The following DCAF12 variants were observed in gnomAD, a reference collection of about 807,000 sequenced individuals.
DCAF12 encodes DDB1- and CUL4-associated factor 12.
DCAF12 carries 28 observed loss-of-function variants against 52.8 expected under a neutral mutation model. The ratio of observed to expected loss-of-function variants is 0.53; its 90% confidence interval spans 0.39 to 0.73. DCAF12 has a LOEUF of 0.73. Among genes scored for constraint, DCAF12 ranks in the 30% least tolerant of loss-of-function variants. The pLI, the probability that DCAF12 is intolerant of heterozygous loss-of-function variation, is 0.00. For synonymous variants in DCAF12, 196 were observed against 215.5 expected, an observed-to-expected ratio of 0.91 and a Z score of 0.79; for missense variants, 425 against 552.2, an observed-to-expected ratio of 0.77 and a Z score of 2.31.
chr9:34,104,731 C>A (rs1358055341), intron 4 of DCAF12, among the ~76,000 whole-genome samples: 1 of 151,332 alleles, frequency 6.6e-6, no homozygotes, highest in African/African-American at 2.4e-5. Flanking sequence ...GCCTGGCCAA[C>A]ATGGCAAAAC....
chr9:34,110,491 A>G (rs925759580), intron 2 of DCAF12, among the ~76,000 whole-genome samples: 1 of 152,198 alleles, frequency 6.6e-6, no homozygotes, highest in African/African-American at 2.4e-5. Flanking sequence ...TTCTATTATA[A>G]GCAGAGTCAA....
chr9:34,089,516 T>C lies in DCAF12; in HGVS notation c.1099A>G (p.Ile367Val), dbSNP rs139198427. The stretch of plus-strand genomic sequence containing the variant: ...TCTTCCAGAAATCTCTGAGCTCGGA[T>C]GTCATAGAACAGCAGGGAGCCCTGC... Reference protein sequence around the residue: ...TGQGSLLFYDIRAQRFLEERL... With the variant: ...TGQGSLLFYDVRAQRFLEERL... The change falls in exon 8 of 9, where the codon ATC (isoleucine) becomes GTC (valine). Residue 367 changes from isoleucine to valine, a missense_variant. Physicochemically the swap from Ile to Val is conservative, Grantham distance 29. Coordinates refer to ENST00000361264, the MANE Select transcript of DCAF12 (RefSeq NM_015397.4). 9 of 1,614,152 alleles carry C rather than the reference T, an allele frequency of 5.6e-6. No individual in the cohort carries two copies. The highest frequency in any genetic ancestry group is 1.6e-4 in the Middle Eastern group (1 of 6,062).
intron 3 of DCAF12, among the ~76,000 whole-genome samples, chr9:34,107,157 G>T (rs1449011665): frequency 2.0e-5 from 3 of 152,164 alleles, no homozygotes; most frequent in African/African-American, 7.2e-5. Flanking sequence ...GCAGTGGGAA[G>T]TATGTGGACA....
intron 2 of DCAF12, among the ~76,000 whole-genome samples, chr9:34,111,823 G>A (rs1339828115): frequency 6.6e-6 from 1 of 152,076 alleles, no homozygotes; most frequent in African/African-American, 2.4e-5. Flanking sequence ...CCAGTCCTTG[G>A]AGAAAAGAAA....
At chr9:34,094,078 C>G (rs890404083) in intron 6 of DCAF12, among the ~76,000 whole-genome samples, 8 of 152,106 alleles carry the variant, frequency 5.3e-5, no homozygotes, top group African/African-American at 1.9e-4. Flanking sequence ...TTCCTGGAAC[C>G]CTGCTTCCTC....
chr9:34,126,298 A>G, intron 1 of DCAF12, 56 bp downstream of exon 1: 1 of 1,596,610 alleles, frequency 6.3e-7, no homozygotes, highest in Non-Finnish European at 8.5e-7. Flanking sequence ...TGCGGACCCT[A>G]AGCCCATCTT....
chr9:34,094,773 G>A lies in DCAF12; in HGVS notation c.862-1325C>T, dbSNP rs562653287. ...TCTCAATCTCCTGACCTTGCGATCC[G>A]CCCACCTTGGCCTCCCAAAGTGCTG... On this transcript the variant is annotated intron_variant, in intron 6 of 8. Coordinates refer to ENST00000361264, the MANE Select transcript of DCAF12 (RefSeq NM_015397.4). 1.6e-4 allele frequency among the ~76,000 whole-genome samples: 25 copies of A among 151,938 alleles called. No homozygotes were observed. The South Asian group carries it at 3.9e-3, about 24-fold the overall frequency.
chr9:34,105,397 G>A (rs1564098011), intron 4 of DCAF12, among the ~76,000 whole-genome samples: 2 of 152,174 alleles, frequency 1.3e-5, no homozygotes, highest in Non-Finnish European at 2.9e-5. Flanking sequence ...CTGCACTCCA[G>A]CCTGGGTGAC....
At chr9:34,110,860 AC>A (rs1828991711) in intron 2 of DCAF12, among the ~76,000 whole-genome samples, 1 of 152,148 alleles carries the variant, frequency 6.6e-6, no homozygotes, top group African/African-American at 2.4e-5. Flanking sequence ...CTTGCCATGG[AC>A]TTCAAACTCT....
intron 6 of DCAF12, chr9:34,093,699 A>C (rs1428368708): frequency 2.9e-5 from 12 of 409,658 alleles, no homozygotes. Flanking sequence ...ATAAATAATC[A>C]GAAGTAGCTG....
chr9:34,107,532 T>C lies in DCAF12; in HGVS notation c.367A>G (p.Thr123Ala), dbSNP rs1828923729. The stretch of plus-strand genomic sequence containing the variant: ...CGGTCTTTCAGAATGGGGATCTTGG[T>C]GATCTGGCTTGTCTGGACATCTACG... ...FVVDVQTSQI[T>A]KIPILKDREP... Residue 123 changes from threonine to alanine, a missense_variant, in exon 3 of 9, where the codon ACC (threonine) becomes GCC (alanine). This residue lies in a region of DCAF12 where 328 missense variants were observed against 444.4 expected (regional missense o/e 0.74). Coordinates refer to ENST00000361264, the MANE Select transcript of DCAF12 (RefSeq NM_015397.4). 1.2e-6 allele frequency: 2 copies of C among 1,614,056 alleles called. No individual in the cohort carries two copies. Among genetic ancestry groups the C allele is most frequent in the South Asian group, 2.2e-5 (2 of 91,086 alleles).
intron 2 of DCAF12, among the ~76,000 whole-genome samples, chr9:34,113,954 A>G (rs1371103286): frequency 6.6e-6 from 1 of 152,016 alleles, no homozygotes; most frequent in Non-Finnish European, 1.5e-5. Flanking sequence ...TAAAAATACA[A>G]AAAATTAGCC....
chr9:34,088,419 C>T lies in DCAF12; in HGVS notation c.1293G>A (p.Thr431=), dbSNP rs764030725. Residue 431 remains threonine (T), a synonymous_variant, in exon 9 of 9, where the codon ACG becomes ACA. Transcript: ENST00000361264. ...GGGGACCTCCTGCCACAAAGAGTTT[C>T]GTTCCAGACGAGTCGTAGCAGTGGG... ...VYTHCYDSSG[T]KLFVAGGPLP... is the part of the protein sequence containing the mutation. The T allele has an allele frequency of 8.7e-6, 14 of 1,613,762 alleles. No homozygotes were observed. Among genetic ancestry groups the T allele is most frequent in the African/African-American group, 5.3e-5 (4 of 74,922 alleles).
intron 2 of DCAF12, among the ~76,000 whole-genome samples, chr9:34,108,181 T>TA (rs1587737033): frequency 6.6e-6 from 1 of 152,166 alleles, no homozygotes. Flanking sequence ...AGATTCAACT[T>TA]AGAGAAATGC....
intron 5 of DCAF12, among the ~76,000 whole-genome samples, chr9:34,098,108 A>G (rs149845915): frequency 8.5e-5 from 13 of 152,256 alleles, no homozygotes; most frequent in African/African-American, 3.1e-4. Flanking sequence ...CCACAAATAT[A>G]GACTACTCAG....
intron 2 of DCAF12, among the ~76,000 whole-genome samples, chr9:34,110,847 C>G (rs543725075): frequency 6.6e-6 from 1 of 152,062 alleles, no homozygotes; most frequent in Non-Finnish European, 1.5e-5. Context: ...ACTATCATCA[C>G]CTCTTGCCAT....
intron 4 of DCAF12, among the ~76,000 whole-genome samples, chr9:34,105,909 C>A (rs987567989): frequency 6.6e-6 from 1 of 151,868 alleles, no homozygotes; most frequent in Non-Finnish European, 1.5e-5. Context: ...CGACCACACT[C>A]AGCTAATTTT....
intron 2 of DCAF12, among the ~76,000 whole-genome samples, chr9:34,115,035 G>A (rs1829062891): frequency 6.6e-6 from 1 of 152,002 alleles, no homozygotes; most frequent in African/African-American, 2.4e-5. Context: ...AAAATTCAAG[G>A]GTGTTTCAGA....
chr9:34,090,638 A>G (rs928206522), intron 7 of DCAF12, among the ~76,000 whole-genome samples: 1 of 152,048 alleles, frequency 6.6e-6, no homozygotes, highest in African/African-American at 2.4e-5. Flanking sequence ...TTTTCATTGC[A>G]TACATTATTA....
Sources: allele counts gnomAD v4.1 joint callset (sites outside exome capture counted in the v4.1 genomes callset), GRCh38; gene constraint gnomAD v4.1.1; regional missense constraint gnomAD v4.1.1; transcripts MANE v1.5; gene names NCBI Gene and HGNC (gene_info 2026-07-23, HGNC 2026-07-21).